The following SLC2A13 variants were observed in gnomAD, a reference collection of about 807,000 sequenced individuals.
SLC2A13 encodes the protein proton myo-inositol cotransporter.
SLC2A13 carries 32 observed loss-of-function variants against 64.4 expected under a neutral mutation model. That is an observed-to-expected ratio of 0.50 (90% confidence interval 0.37 to 0.67). The LOEUF is 0.67. Ranked by LOEUF, SLC2A13 falls within the 30% of genes least tolerant of loss-of-function variation. SLC2A13 has a pLI of 0.00. For missense variants in SLC2A13, 743 were observed against 829.2 expected (o/e 0.90, Z 1.28); for synonymous variants, 338 against 327.1 (o/e 1.03, Z -0.36).
At chr12:39,820,714 AATTTAT>A (rs1566828269) in intron 7 of SLC2A13, among the ~76,000 whole-genome samples, 1 of 45,384 alleles carries the variant, frequency 2.2e-5, no homozygotes, top group African/African-American at 8.5e-5. Flanking sequence ...TAAATTTTTA[AATTTAT>A]ATATATATAT....
intron 1 of SLC2A13, among the ~76,000 whole-genome samples, chr12:40,063,110 C>T (rs1255892165): frequency 6.6e-6 from 1 of 152,010 alleles, no homozygotes; most frequent in Non-Finnish European, 1.5e-5. Flanking sequence ...ATCTATTTTA[C>T]AACTTATTTT....
At chr12:39,924,175 G>T (rs1945673674) in intron 4 of SLC2A13, among the ~76,000 whole-genome samples, 1 of 151,786 alleles carries the variant, frequency 6.6e-6, no homozygotes, top group South Asian at 2.1e-4. Flanking sequence ...TATACTTTTG[G>T]CCTTCCAGAA....
intron 3 of SLC2A13, among the ~76,000 whole-genome samples, chr12:39,991,740 A>C (rs1304433534): frequency 6.6e-6 from 1 of 152,136 alleles, no homozygotes; most frequent in Admixed American, 6.5e-5. Context: ...GTCAGTATGA[A>C]GTTGCCTAAT....
At chr12:40,033,141 G>A (rs923352761) in intron 2 of SLC2A13, among the ~76,000 whole-genome samples, 1 of 152,088 alleles carries the variant, frequency 6.6e-6, no homozygotes, top group Non-Finnish European at 1.5e-5. Context: ...AAGCAATGAG[G>A]CACAAAGAAG....
At chr12:40,005,687 C>G (rs2136188175) in intron 3 of SLC2A13, among the ~76,000 whole-genome samples, 1 of 152,250 alleles carries the variant, frequency 6.6e-6, no homozygotes, top group South Asian at 2.1e-4. Context: ...GGGTCTCTTG[C>G]CACTGATTCA....
intron 1 of SLC2A13, among the ~76,000 whole-genome samples, chr12:40,075,299 T>C (rs1279670425): frequency 6.6e-6 from 1 of 152,118 alleles, no homozygotes; most frequent in Non-Finnish European, 1.5e-5. Context: ...TTGTCAACTA[T>C]AATGCAGGTT....
intron 1 of SLC2A13, 68 bp from the exon 2 acceptor site, chr12:40,048,278 C>A: frequency 2.0e-6 from 3 of 1,473,768 alleles, no homozygotes; most frequent in Non-Finnish European, 9.1e-7. Flanking sequence ...AATACTAATG[C>A]TAGATTTAGG....
chr12:39,986,097 C>G (rs1947026226), intron 3 of SLC2A13, among the ~76,000 whole-genome samples: 1 of 152,048 alleles, frequency 6.6e-6, no homozygotes, highest in South Asian at 2.1e-4. Flanking sequence ...AAAATAAAGG[C>G]CTTGGTTCCA....
chr12:39,806,453 A>C (rs1207591865), intron 7 of SLC2A13, among the ~76,000 whole-genome samples: 1 of 152,186 alleles, frequency 6.6e-6, no homozygotes, highest in Non-Finnish European at 1.5e-5. Context: ...TACAGGATAT[A>C]TATTTTCCCT....
At chr12:40,049,153 T>C (rs1034965323) in intron 1 of SLC2A13, among the ~76,000 whole-genome samples, 13 of 152,036 alleles carry the variant, frequency 8.6e-5, no homozygotes, top group African/African-American at 3.1e-4. Context: ...TATTCAGCCT[T>C]ACCCAAAGGT....
At chr12:40,005,789 C>A (rs751320634) in intron 3 of SLC2A13, among the ~76,000 whole-genome samples, 2 of 152,142 alleles carry the variant, frequency 1.3e-5, no homozygotes, top group Non-Finnish European at 2.9e-5. Context: ...GAGACTTGAG[C>A]AATCACAGAT....
chr12:39,850,990 C>A (rs1943451690), intron 6 of SLC2A13, among the ~76,000 whole-genome samples: 1 of 151,800 alleles, frequency 6.6e-6, no homozygotes, highest in South Asian at 2.1e-4. Context: ...ACCTCTACCT[C>A]CTGGGTTCAA....
rs77422748 is a variant in SLC2A13 at position 39,948,414 on chromosome 12, G to T, written c.1034+2843C>A. Among the ~76,000 whole-genome samples the T allele has an allele frequency of 2.4e-4, 37 of 152,142 alleles. 1 individual carries two copies. The East Asian group carries it at 6.6e-3, about 27-fold the overall frequency. On this transcript the variant is annotated intron_variant, in intron 4 of 9. Transcript: ENST00000280871. Reference sequence around the variant, plus strand: ...AAAAGAAAATCAAGTATTTCAAGAAGAAAATCTATTTTGTCAAATGTGACA... The same window carrying T: ...AAAAGAAAATCAAGTATTTCAAGAATAAAATCTATTTTGTCAAATGTGACA...
intron 4 of SLC2A13, among the ~76,000 whole-genome samples, chr12:39,942,544 T>A (rs1946051578): frequency 6.6e-6 from 1 of 152,210 alleles, no homozygotes; most frequent in South Asian, 2.1e-4. Context: ...GAGCTACTGA[T>A]TTGTGTATAT....
At chr12:39,760,732 G>T (rs747593473) in intron 9 of SLC2A13, among the ~76,000 whole-genome samples, 11 of 151,890 alleles carry the variant, frequency 7.2e-5, no homozygotes, top group Admixed American at 3.3e-4. Flanking sequence ...TGAAGTCAGA[G>T]AATTTTGTTT....
At chr12:39,958,355 G>C (rs1417109192) in intron 3 of SLC2A13, among the ~76,000 whole-genome samples, 1 of 152,160 alleles carries the variant, frequency 6.6e-6, no homozygotes, top group Non-Finnish European at 1.5e-5. Context: ...TAACATACCA[G>C]TCCTACAATG....
chr12:39,833,248 C>A (rs776897853), intron 6 of SLC2A13, among the ~76,000 whole-genome samples: 1 of 152,064 alleles, frequency 6.6e-6, no homozygotes, highest in Non-Finnish European at 1.5e-5. Context: ...AATGATATGG[C>A]CTGCAAAGCT....
chr12:40,105,886 G>C lies in SLC2A13; in HGVS notation c.-78C>G, dbSNP rs886375151. On this transcript the variant is annotated 5_prime_UTR_variant, in exon 1 of 10. Transcript: ENST00000280871. The surrounding 1 kb of genome is among the most constrained non-coding windows in gnomAD (Gnocchi z 4.2). The stretch of plus-strand genomic sequence containing the variant: ...CTCGGCGAGCTAGACAGCCCGAGCC[G>C]GCGGGAGCAACCGCCGCTGCCGCCG... 15 of 1,267,828 alleles carry C rather than the reference G, an allele frequency of 1.2e-5. No homozygotes were observed. Among genetic ancestry groups the C allele is most frequent in the Non-Finnish European group, 1.4e-5 (14 of 1,005,694 alleles). The allele number at this position is 1,267,828 out of a possible 1,614,324, so 78.5% of individuals were successfully genotyped here. A position where few individuals can be genotyped will look rare whatever the true frequency, so the allele number is the denominator to read the frequency against.
rs369244545 is a variant in SLC2A13, at chr12:39,758,363, G to A, written c.*1663C>T. On this transcript the variant is annotated 3_prime_UTR_variant, in exon 10 of 10. Coordinates refer to ENST00000280871, the MANE Select transcript of SLC2A13 (RefSeq NM_052885.4). The stretch of plus-strand genomic sequence containing the variant: ...GATAGGAACAAGCCAGACATTAAAA[G>A]AATAGAGTATCTTGGAGACTGGAAG... 8 of 151,780 alleles carry A rather than the reference G, an allele frequency of 5.3e-5. No individual in the cohort carries two copies. The highest frequency in any genetic ancestry group is 9.7e-5 in the African/African-American group (4 of 41,380). The allele number at this position is 151,780 out of a possible 1,614,324, so 9.4% of individuals were successfully genotyped here. A position where few individuals can be genotyped will look rare whatever the true frequency, so the allele number is the denominator to read the frequency against.
Sources: gnomAD v4.1 joint callset for allele counts (sites outside exome capture counted in the v4.1 genomes callset) on GRCh38, gnomAD v4.1.1 for gene constraint, Gnocchi (gnomAD v3.1) non-coding constraint, MANE v1.5 for transcripts, NCBI Gene and HGNC (gene_info 2026-07-23, HGNC 2026-07-21) for gene names.